MACROD2: variants seen among roughly 807,000 people sequenced by gnomAD.
MACROD2 encodes ADP-ribose glycohydrolase MACROD2.
A neutral mutation model predicts 70.4 loss-of-function variants in MACROD2; 36 were observed. The observed-to-expected ratio is 0.51, with a 90% CI of 0.39 to 0.68. MACROD2 has a LOEUF of 0.68. Among genes scored for constraint, MACROD2 ranks in the 30% least tolerant of loss-of-function variants. The probability of loss-of-function intolerance (pLI) is 0.00; values close to 1 mark genes in which losing one functional copy is unlikely to be tolerated. For missense variants in MACROD2, 496 were observed against 538.4 expected, an observed-to-expected ratio of 0.92 and a Z score of 0.78; for synonymous variants, 172 against 178.8, an observed-to-expected ratio of 0.96 and a Z score of 0.30.
At chr20:15,492,142 G>A (rs567364571) in intron 7 of MACROD2, among the ~76,000 whole-genome samples, 8 of 152,266 alleles carry the variant, frequency 5.3e-5, no homozygotes, top group Non-Finnish European at 1.2e-4. Context: ...GTGAAACTCA[G>A]CCCTTAGCCA....
At chr20:14,846,397 G>A (rs6110450) in intron 5 of MACROD2, among the ~76,000 whole-genome samples, 16,088 of 143,128 alleles carry the variant, frequency 0.11, 1,026 homozygotes, top group Non-Finnish European at 0.14. Flanking sequence ...CTAATTTTTT[G>A]TATTTTTAGT....
chr20:15,976,287 G>A (rs2066304915), intron 13 of MACROD2, among the ~76,000 whole-genome samples: 1 of 152,196 alleles, frequency 6.6e-6, no homozygotes, highest in Non-Finnish European at 1.5e-5. Flanking sequence ...AAACAATCAT[G>A]TGATCTATTT....
rs753673265 is a variant in MACROD2 at position 14,720,536 on chromosome 20, C to CTTTTTTTTTTT, written c.418+35601_418+35611dup. Reference sequence around the variant, plus strand: ...GTTTCATTTCCCAGCTGCCCCACAACTTTTTTTTTTTTTTTTTTTTTTTTT... The same window carrying CTTTTTTTTTTT: ...GTTTCATTTCCCAGCTGCCCCACAACTTTTTTTTTTTTTTTTTTTTTTTTTTTTTTTTTTTT... On this transcript the variant is annotated intron_variant, in intron 5 of 17. Coordinates refer to ENST00000684519, the MANE Select transcript of MACROD2 (RefSeq NM_001351661.2). Among the ~76,000 whole-genome samples, 168 of 35,946 alleles carry CTTTTTTTTTTT rather than the reference C, an allele frequency of 4.7e-3. 45 individuals are homozygous for CTTTTTTTTTTT. The highest frequency in any genetic ancestry group is 6.7e-3 in the East Asian group (5 of 742). The allele number at this position is 35,946 out of a possible 152,430, so 23.6% of individuals were successfully genotyped here. A position where few individuals can be genotyped will look rare whatever the true frequency, so the allele number is the denominator to read the frequency against.
intron 5 of MACROD2, among the ~76,000 whole-genome samples, chr20:15,100,315 T>C (rs1431134642): frequency 6.6e-6 from 1 of 151,932 alleles, no homozygotes; most frequent in Non-Finnish European, 1.5e-5. Context: ...TTATGATATT[T>C]TTGACTTATG....
In MACROD2 at chr20:15,286,976, C is replaced by T. The variant is rs181047751; in HGVS notation, c.540+56915C>T. ...CTTTTTATTTAGAAAAAAAAAGAGA[C>T]GCTACACTGCATTTCCCTAGTCAAG... On this transcript the variant is annotated intron_variant, in intron 6 of 17. Coordinates refer to ENST00000684519, the MANE Select transcript of MACROD2 (RefSeq NM_001351661.2). Among the ~76,000 whole-genome samples the T allele has an allele frequency of 3.5e-3, 527 of 152,212 alleles. 1 individual carries two copies. The highest frequency in any genetic ancestry group is 6.6e-3 in the South Asian group (32 of 4,832).
intron 7 of MACROD2, among the ~76,000 whole-genome samples, chr20:15,472,518 C>A (rs1042358016): frequency 2.0e-5 from 3 of 152,006 alleles, no homozygotes; most frequent in Non-Finnish European, 2.9e-5. Flanking sequence ...TTTTCTTTCC[C>A]TTCCTGTTTT....
intron 10 of MACROD2, among the ~76,000 whole-genome samples, chr20:15,905,587 G>T (rs1356781154): frequency 2.0e-5 from 3 of 152,176 alleles, no homozygotes; most frequent in African/African-American, 7.2e-5. Context: ...ATGCCAATAG[G>T]ACATTTGAGG....
intron 4 of MACROD2, among the ~76,000 whole-genome samples, chr20:14,682,762 AT>A (rs1271851849): frequency 6.6e-6 from 1 of 152,162 alleles, no homozygotes; most frequent in Non-Finnish European, 1.5e-5. Context: ...TTGTATACGT[AT>A]TTTTTGCACT....
intron 8 of MACROD2, among the ~76,000 whole-genome samples, chr20:15,674,327 G>A (rs1402307029): frequency 6.6e-6 from 1 of 152,158 alleles, no homozygotes; most frequent in Non-Finnish European, 1.5e-5. Context: ...CCCTGGAGTT[G>A]CAGCCTGCAG....
chr20:15,422,635 T>G (rs972259936), intron 6 of MACROD2, among the ~76,000 whole-genome samples: 2 of 152,180 alleles, frequency 1.3e-5, no homozygotes, highest in South Asian at 4.1e-4. Flanking sequence ...ATTCAAGAAA[T>G]GACAACAATT....
intron 3 of MACROD2, among the ~76,000 whole-genome samples, chr20:14,237,139 A>G (rs1333673945): frequency 6.6e-6 from 1 of 152,126 alleles, no homozygotes; most frequent in African/African-American, 2.4e-5. Context: ...GAGAAGTGTT[A>G]GTATAATTGC....
chr20:15,285,860 G>A (rs553198833), intron 6 of MACROD2, among the ~76,000 whole-genome samples: 314 of 152,216 alleles, frequency 2.1e-3, no homozygotes, highest in Middle Eastern at 3.4e-3. Context: ...TTTTTAAAGT[G>A]CTTTAAGGTG....
chr20:14,161,389 A>T (rs1259338868), intron 3 of MACROD2, among the ~76,000 whole-genome samples: 10 of 151,320 alleles, frequency 6.6e-5, no homozygotes, highest in Admixed American at 5.9e-4. Context: ...GGGTTTCACC[A>T]TGTTGGCTAG....
At chr20:15,046,000 G>A (rs2075391638) in intron 5 of MACROD2, among the ~76,000 whole-genome samples, 1 of 151,920 alleles carries the variant, frequency 6.6e-6, no homozygotes, top group Admixed American at 6.6e-5. Context: ...TGTTCTGCAA[G>A]TCCAGCCTTC....
chr20:14,771,693 A>T (rs2072169280), intron 5 of MACROD2, among the ~76,000 whole-genome samples: 1 of 149,512 alleles, frequency 6.7e-6, no homozygotes, highest in Non-Finnish European at 1.5e-5. Flanking sequence ...ATTTAAACAT[A>T]TATGTTTATA....
intron 4 of MACROD2, chr20:14,628,602 A>T (rs1191286026): frequency 6.6e-6 from 1 of 152,188 alleles, no homozygotes; most frequent in Non-Finnish European, 1.5e-5. Flanking sequence ...GAAGGCTGAG[A>T]TATGATGACT....
At chr20:15,031,564 G>A (rs577690475) in intron 5 of MACROD2, among the ~76,000 whole-genome samples, 1 of 152,276 alleles carries the variant, frequency 6.6e-6, no homozygotes, top group East Asian at 1.9e-4. Context: ...GCGTTCAGCA[G>A]AGAGGGGACC....
At chr20:14,624,221 T>C (rs1984001148) in intron 4 of MACROD2, among the ~76,000 whole-genome samples, 1 of 152,166 alleles carries the variant, frequency 6.6e-6, no homozygotes, top group African/African-American at 2.4e-5. Context: ...GGACAGCCTC[T>C]CCAAAGTAAA....
At chr20:14,400,106 T>A (rs1356942595) in intron 3 of MACROD2, among the ~76,000 whole-genome samples, 2 of 152,178 alleles carry the variant, frequency 1.3e-5, no homozygotes, top group Non-Finnish European at 2.9e-5. Context: ...AGCATTGTAA[T>A]TGTTGACTGG....
Sources: gnomAD v4.1 joint callset for allele counts (sites outside exome capture counted in the v4.1 genomes callset) on GRCh38, gnomAD v4.1.1 for gene constraint, MANE v1.5 for transcripts, NCBI Gene and HGNC (gene_info 2026-07-23, HGNC 2026-07-21) for gene names.